ATAD2B: variants seen among roughly 807,000 people sequenced by gnomAD.
ATAD2B encodes ATPase family AAA domain containing 2B.
Under a neutral mutation model 167.6 loss-of-function variants are expected in ATAD2B, and 40 were observed. The observed-to-expected ratio is 0.24, with a 90% CI of 0.19 to 0.31. ATAD2B has a LOEUF of 0.31. ATAD2B is among the 10% of genes least tolerant of loss of function. ATAD2B has a pLI of 1.00. For synonymous variants in ATAD2B, 579 were observed against 596.5 expected, an observed-to-expected ratio of 0.97 and a Z score of 0.43; for missense variants, 1,242 against 1,757.2, an observed-to-expected ratio of 0.71 and a Z score of 5.24.
At chr2:23,687,292 C>G in the ATAD2B span, among the ~76,000 whole-genome samples, 1 of 152,326 alleles carries the variant, frequency 6.6e-6, no homozygotes, top group Admixed American at 6.5e-5. Context: ...CCTGCTGTCC[C>G]CGCATCCCCA....
At chr2:23,825,937 A>C (rs565766945) in intron 15 of ATAD2B, among the ~76,000 whole-genome samples, 5 of 152,232 alleles carry the variant, frequency 3.3e-5, no homozygotes. Context: ...GAAATGATCA[A>C]TAGACCCCAT....
At chr2:23,742,255 G>A in the ATAD2B span, among the ~76,000 whole-genome samples, 1 of 152,230 alleles carries the variant, frequency 6.6e-6, no homozygotes, top group Non-Finnish European at 1.5e-5. Flanking sequence ...ACATGCACAT[G>A]TATGTTTACA....
intron 13 of ATAD2B, chr2:23,856,428 G>T (rs1224141656): frequency 2.5e-6 from 1 of 401,954 alleles, no homozygotes; most frequent in East Asian, 1.0e-4. Flanking sequence ...AGCAGGTTGA[G>T]CATTATCATA....
chr2:23,889,287 C>A (rs1699130291), intron 2 of ATAD2B, among the ~76,000 whole-genome samples: 2 of 152,012 alleles, frequency 1.3e-5, no homozygotes, highest in South Asian at 2.1e-4. Flanking sequence ...CCTGCCTCAG[C>A]CTCCCAAGTA....
chr2:23,758,261 C>G (rs1404583131), intron 24 of ATAD2B, among the ~76,000 whole-genome samples, 160 bp from the exon 25 acceptor site: 1 of 152,168 alleles, frequency 6.6e-6, no homozygotes, highest in African/African-American at 2.4e-5. Context: ...TCCTTGCAAC[C>G]TACAAATGGA....
intron 1 of ATAD2B, among the ~76,000 whole-genome samples, chr2:23,904,284 T>C (rs1701203825): frequency 6.6e-6 from 1 of 152,150 alleles, no homozygotes; most frequent in Non-Finnish European, 1.5e-5. Context: ...AGTCTCTCAC[T>C]AAAACAAGAG....
intron 22 of ATAD2B, among the ~76,000 whole-genome samples, chr2:23,779,789 A>C (rs1194551005): frequency 6.6e-6 from 1 of 152,228 alleles, no homozygotes; most frequent in Non-Finnish European, 1.5e-5. Context: ...GAATGACAAA[A>C]TTTATAAAAA....
intron 13 of ATAD2B, among the ~76,000 whole-genome samples, chr2:23,838,661 T>C (rs1013010841): frequency 3.9e-5 from 6 of 152,154 alleles, no homozygotes; most frequent in African/African-American, 1.2e-4. Context: ...TTTTGTATGA[T>C]GTGTAGAGGA....
At chr2:23,806,709 T>C (rs1684451583) in intron 18 of ATAD2B, among the ~76,000 whole-genome samples, 2 of 152,206 alleles carry the variant, frequency 1.3e-5, no homozygotes, top group Non-Finnish European at 2.9e-5. Flanking sequence ...CTGTAAGCAG[T>C]AGCAGTGGCA....
At chr2:23,730,413 T>TC in the ATAD2B span, among the ~76,000 whole-genome samples, 1 of 151,860 alleles carries the variant, frequency 6.6e-6, no homozygotes, top group Non-Finnish European at 1.5e-5. Context: ...ATGCCTGTAA[T>TC]CCCAGCACTT....
At chr2:23,881,652 C>CG (rs1697926009) in intron 6 of ATAD2B, among the ~76,000 whole-genome samples, 1 of 149,486 alleles carries the variant, frequency 6.7e-6, no homozygotes, top group African/African-American at 2.5e-5. Context: ...TGAGCCACCG[C>CG]GCCCAGCTAT....
chr2:23,888,524 C>A lies in ATAD2B; in HGVS notation c.369-125G>T, dbSNP rs1382873369. 3 of 604,406 alleles carry A rather than the reference C, an allele frequency of 5.0e-6. No homozygotes were observed. In the Admixed American group the frequency reaches 1.2e-4, roughly 23 times the overall value. The allele number at this position is 604,406 out of a possible 1,614,324, so 37.4% of individuals were successfully genotyped here. On this transcript the variant is annotated intron_variant, in intron 2 of 27. Transcript: ENST00000238789. The stretch of plus-strand genomic sequence containing the variant: ...TTAAAAGTAAAGATAACTTTTTTTA[C>A]TGTAAGATTGGTAATATGTCAATTA...
At chr2:23,754,497 T>C in intron 26 of ATAD2B, 150 bp downstream of exon 26, 1 of 1,157,466 alleles carries the variant, frequency 8.6e-7, no homozygotes, top group African/African-American at 1.6e-5. Flanking sequence ...TTCAACTCCT[T>C]AAAATACACA....
At chr2:23,733,351 A>C in the ATAD2B span, among the ~76,000 whole-genome samples, 1 of 152,046 alleles carries the variant, frequency 6.6e-6, no homozygotes, top group East Asian at 1.9e-4. Flanking sequence ...CCGTGACCCC[A>C]CTGTTTTGGC....
intron 19 of ATAD2B, among the ~76,000 whole-genome samples, chr2:23,789,284 C>T (rs554961010): frequency 3.9e-5 from 6 of 152,264 alleles, no homozygotes; most frequent in African/African-American, 1.4e-4. Context: ...AGGTGTCCAC[C>T]TTCCAAGATA....
intron 15 of ATAD2B, among the ~76,000 whole-genome samples, chr2:23,827,403 A>ATTAAACT (rs1688417578): frequency 6.6e-6 from 1 of 152,228 alleles, no homozygotes; most frequent in Non-Finnish European, 1.5e-5. Context: ...GGGGTGAAGA[A>ATTAAACT]TTAAACTAGA....
intron 6 of ATAD2B, among the ~76,000 whole-genome samples, 160 bp from the exon 7 acceptor site, chr2:23,880,915 C>T (rs936728569): frequency 3.3e-5 from 5 of 152,172 alleles, no homozygotes; most frequent in Non-Finnish European, 7.3e-5. Flanking sequence ...AATTAAAAAT[C>T]AACCTAAATG....
At chr2:23,684,095 G>A in the ATAD2B span, among the ~76,000 whole-genome samples, 1 of 152,066 alleles carries the variant, frequency 6.6e-6, no homozygotes, top group Non-Finnish European at 1.5e-5. The surrounding 1 kb of genome is among the most constrained non-coding windows in gnomAD (Gnocchi z 4.4). Flanking sequence ...GTTTCCAATC[G>A]TCAGTATGGG....
intron 2 of ATAD2B, among the ~76,000 whole-genome samples, chr2:23,893,667 C>CTTTTT (rs745557044): frequency 2.5e-5 from 3 of 119,428 alleles, no homozygotes; most frequent in Non-Finnish European, 3.5e-5. Flanking sequence ...AAAAAAAAAA[C>CTTTTT]TTTTTTTTTT....
Sources: allele counts gnomAD v4.1 joint callset (sites outside exome capture counted in the v4.1 genomes callset), GRCh38; gene constraint gnomAD v4.1.1; non-coding constraint Gnocchi (gnomAD v3.1); transcripts MANE v1.5; gene names NCBI Gene and HGNC (gene_info 2026-07-23, HGNC 2026-07-21).